BACE1: variants seen among roughly 807,000 people sequenced by gnomAD.
The protein encoded by BACE1 is beta-secretase 1.
In BACE1, 21 loss-of-function variants were observed where a neutral mutation model predicts 54.0. The ratio of observed to expected loss-of-function variants is 0.39; its 90% confidence interval spans 0.28 to 0.56. BACE1 has a LOEUF of 0.56. Among genes scored for constraint, BACE1 ranks in the 20% least tolerant of loss-of-function variants. The pLI is 0.63. For synonymous variants in BACE1, 232 were observed against 260.9 expected, an observed-to-expected ratio of 0.89 and a Z score of 1.07; for missense variants, 511 against 661.2, an observed-to-expected ratio of 0.77 and a Z score of 2.49.
Position 117,298,326 on chromosome 11 carries a change from G to T in BACE1, c.262-1365C>A, listed in dbSNP as rs181056774. On this transcript the variant is annotated intron_variant, in intron 1 of 8. Transcript: ENST00000313005. ...AAAAAAAAAAGAAAAGAAAAGAAAC[G>T]CTGTGTCTGCTTCAGTCTATGGAGT... 7.8e-4 allele frequency among the ~76,000 whole-genome samples: 119 copies of T among 152,048 alleles called. 1 individual carries two copies. Among genetic ancestry groups the T allele is most frequent in the Non-Finnish European group, 1.3e-3 (88 of 67,950 alleles).
At chr11:117,298,471 C>T (rs1241240036) in intron 1 of BACE1, among the ~76,000 whole-genome samples, 1 of 152,190 alleles carries the variant, frequency 6.6e-6, no homozygotes, top group Non-Finnish European at 1.5e-5. Flanking sequence ...GTCTTCAGGG[C>T]CCCCTGCTCC....
Position 117,295,224 on chromosome 11 carries a change from G to A in BACE1, c.474C>T (p.Ala158=). 1.2e-6 allele frequency: 2 copies of A among 1,614,186 alleles called. No homozygotes were observed. Among genetic ancestry groups the A allele is most frequent in the Non-Finnish European group, 1.7e-6 (2 of 1,180,042 alleles). ...CTGATTCAGTGATGGCAGCAATGTT[G>A]GCACGCACAGTGACGTTGGGGCCAT... ...IPHGPNVTVR[A]NIAAITESDK... Residue 158 remains alanine (A), a synonymous_variant, in exon 3 of 9, where the codon GCC becomes GCT. Transcript: ENST00000313005.
chr11:117,290,701 C>T (rs999177859), intron 7 of BACE1, 42 bp from the exon 8 acceptor site: 3 of 1,606,288 alleles, frequency 1.9e-6, no homozygotes, highest in Admixed American at 1.7e-5. Flanking sequence ...TCCTCACTCT[C>T]CTTCACCCCA....
At position 117,293,064 on chromosome 11, in the gene BACE1, T is replaced by C; in HGVS notation, c.830A>G (p.Asp277Gly). 1 of 1,613,910 alleles carries C rather than the reference T, an allele frequency of 6.2e-7. No individual in the cohort carries two copies. The highest frequency in any genetic ancestry group is 8.5e-7 in the Non-Finnish European group (1 of 1,179,964). Reference protein sequence around the residue: ...VEINGQDLKMDCKEYNYDKSI... With the variant: ...VEINGQDLKMGCKEYNYDKSI... ...CCTTGGTTTTCTTACCTCCTTGCAGTCCATTTTCAGATCCTGTCCATTGAT... is the reference window on the plus strand; with the variant it reads ...CCTTGGTTTTCTTACCTCCTTGCAGCCCATTTTCAGATCCTGTCCATTGAT... Residue 277 changes from aspartate (D) to glycine (G), a missense_variant, in exon 5 of 9, where the codon GAC (aspartate) becomes GGC (glycine). Transcript: ENST00000313005. This position sits in a 1 kb window ranked among gnomAD's most constrained non-coding sequence, Gnocchi z 4.1.
rs1449756102 is a variant in BACE1, at chr11:117,315,093, C to T, written c.261+442G>A. Among the ~76,000 whole-genome samples, 1 of 152,126 alleles carries T rather than the reference C, an allele frequency of 6.6e-6. No individual in the cohort carries two copies. Among genetic ancestry groups the T allele is most frequent in the Admixed American group, 6.5e-5 (1 of 15,274 alleles). ...TCAACTGCTGCCAGGATTCCTTGGT[C>T]CTGGAGGTACTGGGAACAATGGTGG... On this transcript the variant is annotated intron_variant, in intron 1 of 8. Transcript: ENST00000313005. This position sits in a 1 kb window ranked among gnomAD's most constrained non-coding sequence, Gnocchi z 5.5.
Position 117,315,397 on chromosome 11 carries a change from C to G in BACE1, c.261+138G>C, listed in dbSNP as rs192435671. 140 of 1,218,740 alleles carry G rather than the reference C, an allele frequency of 1.1e-4. 1 individual carries two copies. The East Asian group carries it at 4.2e-3, about 37-fold the overall frequency. 75.5% of individuals were successfully genotyped at this position (1,218,740 alleles called of 1,614,324 possible). Reference sequence around the variant, plus strand: ...CACTTCTGCCAACAACCACGTGACCCCCGGGGAATGGCTGGGGAGGGGTCC... The same window carrying G: ...CACTTCTGCCAACAACCACGTGACCGCCGGGGAATGGCTGGGGAGGGGTCC... On this transcript the variant is annotated intron_variant, in intron 1 of 8. Coordinates refer to ENST00000313005, the MANE Select transcript of BACE1 (RefSeq NM_012104.6). This position sits in a 1 kb window ranked among gnomAD's most constrained non-coding sequence, Gnocchi z 5.5.
At chr11:117,305,197 C>T (rs895442155) in intron 1 of BACE1, among the ~76,000 whole-genome samples, 6 of 152,112 alleles carry the variant, frequency 3.9e-5, no homozygotes, top group Non-Finnish European at 7.3e-5. Flanking sequence ...CCTCCTTAGT[C>T]CCAGAACCTT....
At chr11:117,313,596 G>A (rs552943436) in intron 1 of BACE1, among the ~76,000 whole-genome samples, 5 of 152,042 alleles carry the variant, frequency 3.3e-5, no homozygotes, top group East Asian at 1.9e-4. Flanking sequence ...CACCAGGCCC[G>A]GCGAATTATT....
chr11:117,298,892 G>A (rs982747509), intron 1 of BACE1, among the ~76,000 whole-genome samples: 2 of 152,074 alleles, frequency 1.3e-5, no homozygotes, highest in African/African-American at 4.8e-5. Flanking sequence ...TGCCATCTCC[G>A]CCTCCTGGGT....
At chr11:117,295,638 C>CCTGCTG (rs142572406) in intron 2 of BACE1, 20 of 1,527,012 alleles carry the variant, frequency 1.3e-5, no homozygotes, top group Non-Finnish European at 1.6e-5. Flanking sequence ...GTGCATTGTG[C>CCTGCTG]CTGCTGCTGC....
intron 3 of BACE1, 29 bp downstream of exon 3, chr11:117,295,102 T>A (rs764426139): frequency 1.6e-5 from 25 of 1,585,502 alleles, no homozygotes; most frequent in Non-Finnish European, 2.2e-5. Flanking sequence ...GTGCATAGAG[T>A]GTGTAGGGCC....
Position 117,293,389 on chromosome 11 carries a change from G to T in BACE1, c.706-201C>A. On this transcript the variant is annotated intron_variant, in intron 4 of 8. Coordinates refer to ENST00000313005, the MANE Select transcript of BACE1 (RefSeq NM_012104.6). The surrounding 1 kb of genome is among the most constrained non-coding windows in gnomAD (Gnocchi z 4.1). ...TGTGTTCAGGAGAAAAGACTTTCCG[G>T]GATTTTTAATTATTTGTTTCAGAAT... The T allele has an allele frequency of 2.2e-6, 1 of 460,924 alleles. No homozygotes were observed. Among genetic ancestry groups the T allele is most frequent in the Non-Finnish European group, 3.7e-6 (1 of 270,716 alleles). 28.6% of individuals were successfully genotyped at this position (460,924 alleles called of 1,614,324 possible). A position where few individuals can be genotyped will look rare whatever the true frequency, so the allele number is the denominator to read the frequency against.
Position 117,288,932 on chromosome 11 carries a change from G to T in BACE1, c.*634C>A, listed in dbSNP as rs2034335549. 6.6e-6 allele frequency: 1 copy of T among 152,626 alleles called. No individual in the cohort carries two copies. Among genetic ancestry groups the T allele is most frequent in the South Asian group, 2.1e-4 (1 of 4,836 alleles). 9.5% of individuals were successfully genotyped at this position (152,626 alleles called of 1,614,324 possible). A position where few individuals can be genotyped will look rare whatever the true frequency, so the allele number is the denominator to read the frequency against. On this transcript the variant is annotated 3_prime_UTR_variant, in exon 9 of 9. Coordinates refer to ENST00000313005, the MANE Select transcript of BACE1 (RefSeq NM_012104.6). ...AGTGGTTGTGTTTCTGCCTTTCCTA[G>T]CTTTGATCCCACTATTCCCTGTCTT...
rs1009784161 is a variant in BACE1, at chr11:117,295,645, C to T, written c.351-298G>A. On this transcript the variant is annotated intron_variant, in intron 2 of 8. Coordinates refer to ENST00000313005, the MANE Select transcript of BACE1 (RefSeq NM_012104.6). ...TGGGCTTTGTGCATTGTGCCTGCTG[C>T]TGCTGCTGCTGCAGGGACAGCTAGT... 5 of 1,526,720 alleles carry T rather than the reference C, an allele frequency of 3.3e-6. No homozygotes were observed. The African/African-American group carries it at 5.5e-5, about 17-fold the overall frequency. 94.6% of individuals were successfully genotyped at this position (1,526,720 alleles called of 1,614,324 possible). A position where few individuals can be genotyped will look rare whatever the true frequency, so the allele number is the denominator to read the frequency against.
chr11:117,294,072 G>C, intron 3 of BACE1, 64 bp from the exon 4 acceptor site: 1 of 1,549,512 alleles, frequency 6.5e-7, no homozygotes. Flanking sequence ...CCAGCTTCCT[G>C]TCTAAACTGG....
At chr11:117,296,747 C>T (rs1393586686) in intron 2 of BACE1, 126 bp downstream of exon 2, 5 of 730,634 alleles carry the variant, frequency 6.8e-6, no homozygotes, top group Non-Finnish European at 1.1e-5. Flanking sequence ...TTTTTTTCGC[C>T]CTTCCCCTTC....
intron 6 of BACE1, among the ~76,000 whole-genome samples, chr11:117,291,350 C>A (rs1372983820): frequency 2.0e-5 from 3 of 151,432 alleles, no homozygotes; most frequent in Admixed American, 6.6e-5. Context: ...AATCATGGCT[C>A]ACCGCAACCT....
intron 3 of BACE1, 27 bp downstream of exon 3, chr11:117,295,104 T>C: frequency 6.3e-7 from 1 of 1,594,780 alleles, no homozygotes; most frequent in Non-Finnish European, 8.6e-7. Flanking sequence ...GCATAGAGTG[T>C]GTAGGGCCAA....
At chr11:117,306,759 C>T (rs1565365508) in intron 1 of BACE1, among the ~76,000 whole-genome samples, 3 of 151,876 alleles carry the variant, frequency 2.0e-5, no homozygotes, top group South Asian at 2.1e-4. Context: ...TGCAGGGAGC[C>T]GAGATCGCGC....
Sources: allele counts gnomAD v4.1 joint callset (sites outside exome capture counted in the v4.1 genomes callset), GRCh38; gene constraint gnomAD v4.1.1; non-coding constraint Gnocchi (gnomAD v3.1); transcripts MANE v1.5; gene names NCBI Gene and HGNC (gene_info 2026-07-23, HGNC 2026-07-21).